GSTCD: variants seen among roughly 807,000 people sequenced by gnomAD.
The protein encoded by GSTCD is glutathione S-transferase C-terminal domain containing.
A neutral mutation model predicts 68.3 loss-of-function variants in GSTCD; 44 were observed. That is an observed-to-expected ratio of 0.64 (90% CI 0.51 to 0.83). The LOEUF is 0.83. GSTCD is among the 40% of genes least tolerant of loss of function. GSTCD has a pLI of 0.00. For synonymous variants in GSTCD, 273 were observed against 255.2 expected (o/e 1.07, Z -0.67); for missense variants, 739 against 735.9 (o/e 1.00, Z -0.05).
At chr4:105,794,040 A>C (rs754873650) in intron 5 of GSTCD, among the ~76,000 whole-genome samples, 1 of 152,100 alleles carries the variant, frequency 6.6e-6, no homozygotes, top group African/African-American at 2.4e-5. Flanking sequence ...CTCTGTGTCC[A>C]AAAACTATTT....
At chr4:105,781,304 A>G (rs1735261743) in intron 5 of GSTCD, among the ~76,000 whole-genome samples, 1 of 152,080 alleles carries the variant, frequency 6.6e-6, no homozygotes. Flanking sequence ...GCTGGAATGC[A>G]GTGGCACAAT....
intron 1 of GSTCD, among the ~76,000 whole-genome samples, chr4:105,710,436 C>CCA (rs1732499065): frequency 6.9e-6 from 1 of 145,238 alleles, no homozygotes; most frequent in South Asian, 2.2e-4. Context: ...ACCATGTTGG[C>CCA]CAGGCTGGTC....
chr4:105,765,709 C>T (rs1257462039), intron 5 of GSTCD, among the ~76,000 whole-genome samples: 1 of 152,138 alleles, frequency 6.6e-6, no homozygotes, highest in Non-Finnish European at 1.5e-5. Context: ...CCACATGTTG[C>T]GGGAGGGACC....
chr4:105,773,228 C>T (rs1161346903), intron 5 of GSTCD, among the ~76,000 whole-genome samples: 2 of 152,050 alleles, frequency 1.3e-5, no homozygotes, highest in Non-Finnish European at 2.9e-5. Context: ...TTTATCATGT[C>T]TGTTTGATTC....
At chr4:105,834,032 A>G (rs2149283493) in intron 8 of GSTCD, among the ~76,000 whole-genome samples, 1 of 152,348 alleles carries the variant, frequency 6.6e-6, no homozygotes, top group East Asian at 1.9e-4. Flanking sequence ...GTTTTCAAAT[A>G]CATTTTTATT....
intron 5 of GSTCD, 123 bp downstream of exon 5, chr4:105,729,622 T>G (rs1733162378): frequency 2.1e-6 from 1 of 467,636 alleles, no homozygotes; most frequent in African/African-American, 2.0e-5. Flanking sequence ...TCAGTTGAGT[T>G]TTCATTTTAT....
chr4:105,767,243 A>G (rs1734652974), intron 5 of GSTCD, among the ~76,000 whole-genome samples: 1 of 152,194 alleles, frequency 6.6e-6, no homozygotes, highest in African/African-American at 2.4e-5. Context: ...CTCGGATGCA[A>G]TGATTGGCTG....
intron 5 of GSTCD, among the ~76,000 whole-genome samples, chr4:105,755,080 A>T (rs1389420057): frequency 6.9e-6 from 1 of 144,970 alleles, no homozygotes; most frequent in Non-Finnish European, 1.5e-5. Flanking sequence ...AAAAAAAAAA[A>T]AAAAAAAAAA....
chr4:105,770,687 G>A (rs1734810188), intron 5 of GSTCD, among the ~76,000 whole-genome samples: 1 of 152,092 alleles, frequency 6.6e-6, no homozygotes, highest in Non-Finnish European at 1.5e-5. Context: ...CCATGTCCCT[G>A]CAAAGGACAT....
intron 5 of GSTCD, among the ~76,000 whole-genome samples, chr4:105,765,209 C>T (rs1734558538): frequency 1.3e-5 from 2 of 152,080 alleles, no homozygotes; most frequent in Non-Finnish European, 2.9e-5. Flanking sequence ...TAATAATAGT[C>T]ATGACCCACT....
chr4:105,766,626 T>C (rs1321213354), intron 5 of GSTCD, among the ~76,000 whole-genome samples: 1 of 152,184 alleles, frequency 6.6e-6, no homozygotes, highest in African/African-American at 2.4e-5. Context: ...ATTACACTCA[T>C]GTTCATAGAT....
chr4:105,801,520 G>A (rs939258225), intron 5 of GSTCD, among the ~76,000 whole-genome samples: 1 of 151,976 alleles, frequency 6.6e-6, no homozygotes, highest in African/African-American at 2.4e-5. Context: ...TTAAAGTAAT[G>A]AAATGACTTA....
At position 105,825,685 on chromosome 4, in the gene GSTCD, A is replaced by T. The variant is rs1176569847; in HGVS notation, c.1415A>T (p.Glu472Val). 6.7e-7 allele frequency: 1 copy of T among 1,499,912 alleles called. No individual in the cohort carries two copies. The allele number at this position is 1,499,912 out of a possible 1,614,324, so 92.9% of individuals were successfully genotyped here. A position where few individuals can be genotyped will look rare whatever the true frequency, so the allele number is the denominator to read the frequency against. The change falls in exon 8 of 12, where the codon GAA (glutamate) becomes GTA (valine). Residue 472 changes from glutamate to valine, a missense_variant. Physicochemically the swap from Glu to Val is moderately radical, Grantham distance 121. Coordinates refer to ENST00000515279, the MANE Select transcript of GSTCD (RefSeq NM_001370181.1). ...MLPSCQVTLI[E>V]NKELSLIRAK... ...GGTAAAATCTAGGTTACATTAATAG[A>T]AAACAAGGAATTATCATTAATTCGT...
At chr4:105,799,341 C>T (rs891359363) in intron 5 of GSTCD, among the ~76,000 whole-genome samples, 6 of 152,172 alleles carry the variant, frequency 3.9e-5, no homozygotes, top group Middle Eastern at 3.2e-3. Flanking sequence ...AACATCTTTG[C>T]ATTCATATCT....
chr4:105,815,581 A>C (rs1012255466), intron 5 of GSTCD, among the ~76,000 whole-genome samples: 2 of 152,168 alleles, frequency 1.3e-5, no homozygotes, highest in Non-Finnish European at 2.9e-5. Context: ...GCACAAAAGA[A>C]GTATTTTTTT....
chr4:105,809,787 A>C (rs1722682926), intron 5 of GSTCD, among the ~76,000 whole-genome samples: 1 of 151,742 alleles, frequency 6.6e-6, no homozygotes, highest in Non-Finnish European at 1.5e-5. Context: ...TGTAAGTCTT[A>C]ATTTTATACC....
intron 5 of GSTCD, among the ~76,000 whole-genome samples, chr4:105,747,277 C>G (rs1302994022): frequency 6.6e-6 from 1 of 152,240 alleles, no homozygotes; most frequent in Non-Finnish European, 1.5e-5. Context: ...GCAGGACATG[C>G]AGATGCTGCT....
At chr4:105,755,554 A>G (rs1291952847) in intron 5 of GSTCD, among the ~76,000 whole-genome samples, 1 of 152,208 alleles carries the variant, frequency 6.6e-6, no homozygotes, top group Non-Finnish European at 1.5e-5. Context: ...AAATTCCTCC[A>G]ATTCAATTCT....
At chr4:105,712,851 C>A (rs1732577630) in intron 1 of GSTCD, among the ~76,000 whole-genome samples, 1 of 152,018 alleles carries the variant, frequency 6.6e-6, no homozygotes, top group Non-Finnish European at 1.5e-5. Flanking sequence ...GGAAGGGGAG[C>A]AGGTTTAGAA....
Sources: allele counts gnomAD v4.1 joint callset (sites outside exome capture counted in the v4.1 genomes callset), GRCh38; gene constraint gnomAD v4.1.1; transcripts MANE v1.5; gene names NCBI Gene and HGNC (gene_info 2026-07-23, HGNC 2026-07-21).